The following AHNAK2 variants were observed in gnomAD, a reference collection of about 807,000 sequenced individuals.
The protein encoded by AHNAK2 is protein AHNAK2.
Under a neutral mutation model 30.7 loss-of-function variants are expected in AHNAK2, and 18 were observed. The ratio of observed to expected loss-of-function variants is 0.59; its 90% CI spans 0.41 to 0.87. AHNAK2 has a LOEUF of 0.87. Ranked by LOEUF, AHNAK2 falls within the 40% of genes least tolerant of loss-of-function variation. The pLI, the probability that AHNAK2 is intolerant of heterozygous loss-of-function variation, is 0.00. For synonymous variants in AHNAK2, 3,590 were observed against 3,073.8 expected, an observed-to-expected ratio of 1.17 and a Z score of -5.56; for missense variants, 8,604 against 7,373.0, an observed-to-expected ratio of 1.17 and a Z score of -6.11.
At position 104,949,058 on chromosome 14, in the gene AHNAK2, A is replaced by C. The variant is rs540355637; in HGVS notation, c.6393T>G (p.Asp2131Glu). Residue 2131 changes from aspartate (D) to glutamate (E), a missense_variant, in exon 7 of 7, where the codon GAT becomes GAG. Physicochemically the swap from Asp to Glu is conservative, Grantham distance 45. Coordinates refer to ENST00000333244, the MANE Select transcript of AHNAK2 (RefSeq NM_138420.4). ...VDVQAPRAKLDSAHLQGDLTL... is the reference protein window; with the variant it reads ...VDVQAPRAKLESAHLQGDLTL... ...TCAGGTCCCCCTGCAGATGCGCACT[A>C]TCCAGCTTGGCTCTTGGGGCCTGGA... 2 of 1,068,126 alleles carry C rather than the reference A, an allele frequency of 1.9e-6. 1 individual carries two copies. Among genetic ancestry groups the C allele is most frequent in the Non-Finnish European group, 2.7e-6 (2 of 733,988 alleles). 66.2% of individuals were successfully genotyped at this position (1,068,126 alleles called of 1,614,324 possible).
At chr14:104,959,949 T>C (rs981683968) in intron 1 of AHNAK2, among the ~76,000 whole-genome samples, 4 of 152,176 alleles carry the variant, frequency 2.6e-5, no homozygotes, top group African/African-American at 4.8e-5. Flanking sequence ...AAAGGCAATA[T>C]AGTGGATATT....
rs533762807 is a variant in AHNAK2 at position 104,946,429 on chromosome 14, C to A, written c.9022G>T (p.Val3008Leu). 3 of 1,612,390 alleles carry A rather than the reference C, an allele frequency of 1.9e-6. No homozygotes were observed. In the African/African-American group the frequency reaches 4.0e-5, roughly 22 times the overall value. ...EVSVDVSAPK[V>L]EAEVSLPSMQ... is the part of the protein sequence containing the mutation. ...GAGGGGAGGCTCACTTCGGCCTCCA[C>A]CTTCGGCGCAGACACATCCACCGAG... The change falls in exon 7 of 7, where the codon GTG becomes TTG. Residue 3008 changes from valine to leucine, a missense_variant. Physicochemically the swap from Val to Leu is conservative, Grantham distance 32. Transcript: ENST00000333244.
In AHNAK2 at chr14:104,938,514, C is replaced by T. The variant is rs1897878939; in HGVS notation, c.16937G>A (p.Trp5646Ter). The change falls in exon 7 of 7, where the codon TGG becomes TAG. Residue 5646 changes from tryptophan to a stop codon, truncating the protein, a stop_gained. Transcript: ENST00000333244. LOFTEE classifies it low-confidence loss of function (END_TRUNC). Reference protein sequence around the residue: ...KPESKKSGLLWFWLPNIGFSS... With the variant: ...KPESKKSGLL ...AAACCCAATGTTTGGAAGCCAAAACCAGAGCAGACCAGATTTTTTACTTTC... is the reference window on the plus strand; with the variant it reads ...AAACCCAATGTTTGGAAGCCAAAACTAGAGCAGACCAGATTTTTTACTTTC... 2.5e-6 allele frequency: 4 copies of T among 1,613,548 alleles called. No individual in the cohort carries two copies. The highest frequency in any genetic ancestry group is 3.4e-6 in the Non-Finnish European group (4 of 1,179,758).
Position 104,949,635 on chromosome 14 carries a change from T to C in AHNAK2, c.5816A>G (p.Lys1939Arg), listed in dbSNP as rs376259620. 3.9e-5 allele frequency: 62 copies of C among 1,588,750 alleles called. 10 individuals carry two copies. In the African/African-American group the frequency reaches 4.2e-4, roughly 11 times the overall value. The change falls in exon 7 of 7, where the codon AAG becomes AGG. Residue 1939 changes from lysine to arginine, a missense_variant. By Grantham distance (26) the Lys-to-Arg change is conservative (BLOSUM62 2). Coordinates refer to ENST00000333244, the MANE Select transcript of AHNAK2 (RefSeq NM_138420.4). ...KGAKLDLKGP[K>R]AEVTAPDVEV... ...GACATCGGGGGCTGTCACTTCCGCCTTGGGGCCTTTCAGGTCCAGCTTGGC... is the reference window on the plus strand; with the variant it reads ...GACATCGGGGGCTGTCACTTCCGCCCTGGGGCCTTTCAGGTCCAGCTTGGC...
At chr14:104,957,777 C>T (rs1386426018) in intron 1 of AHNAK2, 105 bp from the exon 2 acceptor site, 9 of 1,186,246 alleles carry the variant, frequency 7.6e-6, no homozygotes, top group African/African-American at 1.5e-5. Context: ...GTGTCATAGT[C>T]CTTTCCTGGA....
chr14:104,946,954 C>G lies in AHNAK2; in HGVS notation c.8497G>C (p.Glu2833Gln), dbSNP rs752884471. The change falls in exon 7 of 7, where the codon GAG becomes CAG. Residue 2833 changes from glutamate to glutamine, a missense_variant. By Grantham distance (29) the Glu-to-Gln change is conservative. Transcript: ENST00000333244. ...AGCTCAGACACATCCACCGAGGCCT[C>G]GATGGACTTGCCTGGGGCCGACACC... ...FGVSAPGKSIEASVDVSELKV... is the reference protein window; with the variant it reads ...FGVSAPGKSIQASVDVSELKV... The G allele has an allele frequency of 8.1e-6, 13 of 1,612,560 alleles. No individual in the cohort carries two copies. Among genetic ancestry groups the G allele is most frequent in the Admixed American group, 6.7e-5 (4 of 59,890 alleles).
rs11852055 is a variant in AHNAK2, at chr14:104,950,420, G to A, written c.5031C>T (p.Ile1677=). ...SFGVSAPGKS[I]EASVDVSEPK... ...GCTCAGACACATCCACCGAGGCCTC[G>A]ATGGACTTGCCTGGGGCCGACACCC... Residue 1677 remains isoleucine (I), a synonymous_variant, in exon 7 of 7, where the codon ATC becomes ATT. Transcript: ENST00000333244. The A allele has an allele frequency of 5.1e-5, 81 of 1,585,472 alleles. 6 individuals are homozygous for A. Among genetic ancestry groups the A allele is most frequent in the African/African-American group, 3.1e-4 (22 of 71,758 alleles).
At chr14:104,956,870 C>T (rs945532771) in intron 3 of AHNAK2, among the ~76,000 whole-genome samples, 181 bp from the exon 4 acceptor site, 2 of 152,210 alleles carry the variant, frequency 1.3e-5, no homozygotes, top group South Asian at 2.1e-4. Context: ...AGGCAACTCT[C>T]GGCCTTCCTG....
At position 104,952,528 on chromosome 14, in the gene AHNAK2, G is replaced by T. The variant is rs1411962120; in HGVS notation, c.2923C>A (p.Leu975Met). The T allele has an allele frequency of 1.9e-6, 3 of 1,612,786 alleles. No homozygotes were observed. Among genetic ancestry groups the T allele is most frequent in the Middle Eastern group, 1.6e-4 (1 of 6,078 alleles). The change falls in exon 7 of 7, where the codon CTG becomes ATG. Residue 975 changes from leucine (L) to methionine (M), a missense_variant. Coordinates refer to ENST00000333244, the MANE Select transcript of AHNAK2 (RefSeq NM_138420.4). ...EVDVQAQKAKLDGAWLEGDLS... is the reference protein window; with the variant it reads ...EVDVQAQKAKMDGAWLEGDLS... The stretch of plus-strand genomic sequence containing the variant: ...TCCCCCTCCAGCCACGCACCATCCA[G>T]CTTGGCCTTCTGGGCCTGGACATCC...
In AHNAK2 at chr14:104,951,704, C is replaced by T. The variant is rs1205195763; in HGVS notation, c.3747G>A (p.Val1249=). ...TGGGCATCTTCAAACTAGGCATCTG[C>T]ACCTTGGGCAGGTGCCCTTTGAAGC... The part of the protein sequence containing the change: ...GAGFKGHLPK[V]QMPSLKMPKV... Residue 1249 remains valine (V), a synonymous_variant, in exon 7 of 7, where the codon GTG becomes GTA. Coordinates refer to ENST00000333244, the MANE Select transcript of AHNAK2 (RefSeq NM_138420.4). 1.6e-6 allele frequency: 2 copies of T among 1,246,630 alleles called. No individual in the cohort carries two copies. The highest frequency in any genetic ancestry group is 1.4e-5 in the African/African-American group (1 of 70,604). The allele number at this position is 1,246,630 out of a possible 1,614,324, so 77.2% of individuals were successfully genotyped here. A position where few individuals can be genotyped will look rare whatever the true frequency, so the allele number is the denominator to read the frequency against.
rs1394112729 is a variant in AHNAK2 at position 104,954,383 on chromosome 14, C to G, written c.1068G>C (p.Leu356=). 3.7e-6 allele frequency: 6 copies of G among 1,613,188 alleles called. No homozygotes were observed. The highest frequency in any genetic ancestry group is 5.1e-6 in the Non-Finnish European group (6 of 1,179,870). ...FQSGVGRAGV[L]EELGPWGDSL... ...TATCACCCCAGGGCCCCAACTCTTC[C>G]AGGACCCCAGCACGGCCCACCCCAC... The change falls in exon 7 of 7, where the codon CTG becomes CTC. Residue 356 remains leucine (L), a synonymous_variant. Transcript: ENST00000333244. This position sits in a 1 kb window ranked among gnomAD's most constrained non-coding sequence, Gnocchi z 4.3.
chr14:104,951,808 G>T lies in AHNAK2; in HGVS notation c.3643C>A (p.Pro1215Thr), dbSNP rs375277628. 5.9e-6 allele frequency: 8 copies of T among 1,350,360 alleles called. 1 individual carries two copies. Among genetic ancestry groups the T allele is most frequent in the African/African-American group, 4.2e-5 (3 of 71,870 alleles). 83.6% of individuals were successfully genotyped at this position (1,350,360 alleles called of 1,614,324 possible). A position where few individuals can be genotyped will look rare whatever the true frequency, so the allele number is the denominator to read the frequency against. The change falls in exon 7 of 7, where the codon CCC (proline) becomes ACC (threonine). Residue 1215 changes from proline (P) to threonine (T), a missense_variant. Transcript: ENST00000333244. Reference protein sequence around the residue: ...DLKTTDLSIQPPSADLEVHAG... With the variant: ...DLKTTDLSIQTPSADLEVHAG... ...TGGACCTCCAGGTCAGCGGAAGGGGGCTGAATGCTGAGGTCAGTGGTCTTG... is the reference window on the plus strand; with the variant it reads ...TGGACCTCCAGGTCAGCGGAAGGGGTCTGAATGCTGAGGTCAGTGGTCTTG...
intron 1 of AHNAK2, among the ~76,000 whole-genome samples, chr14:104,960,437 T>C (rs1421901827): frequency 6.6e-6 from 1 of 152,228 alleles, no homozygotes; most frequent in East Asian, 1.9e-4. Context: ...AGAGATGATT[T>C]AAAGTATAGG....
chr14:104,949,731 G>C lies in AHNAK2; in HGVS notation c.5720C>G (p.Pro1907Arg). 6.3e-7 allele frequency: 1 copy of C among 1,587,246 alleles called. No homozygotes were observed. The highest frequency in any genetic ancestry group is 2.2e-5 in the East Asian group (1 of 44,678). ...PEGAGLKGHLPKVDMPSFKMP... is the reference protein window; with the variant it reads ...PEGAGLKGHLRKVDMPSFKMP... ...CTTGAAACTGGGCATATCCACCTTG[G>C]GCAAGTGCCCTTTGAGGCCGGCTCC... Residue 1907 changes from proline to arginine, a missense_variant, in exon 7 of 7, where the codon CCC (proline) becomes CGC (arginine). Coordinates refer to ENST00000333244, the MANE Select transcript of AHNAK2 (RefSeq NM_138420.4).
rs766573908 is a variant in AHNAK2 at position 104,945,226 on chromosome 14, G to A, written c.10225C>T (p.Pro3409Ser). ...TTGGGGCCCTTGATGTCCACCTGGG[G>A]GCTCTTGAGGTCCACTTTGGGCATC... The part of the protein sequence containing the change: ...FKMPKVDLKS[P>S]QVDIKGPKLD... Residue 3409 changes from proline to serine, a missense_variant, in exon 7 of 7, where the codon CCC becomes TCC. By Grantham distance (74) the Pro-to-Ser change is moderately conservative. Coordinates refer to ENST00000333244, the MANE Select transcript of AHNAK2 (RefSeq NM_138420.4). 2 of 1,612,824 alleles carry A rather than the reference G, an allele frequency of 1.2e-6. No homozygotes were observed. Among genetic ancestry groups the A allele is most frequent in the Admixed American group, 1.7e-5 (1 of 59,932 alleles).
chr14:104,977,817 TC>T (rs1426593823), intron 1 of AHNAK2, among the ~76,000 whole-genome samples: 1 of 151,916 alleles, frequency 6.6e-6, no homozygotes, highest in East Asian at 1.9e-4. Context: ...AGGCCGCCTC[TC>T]GACCAGACAG....
rs115533222 is a variant in AHNAK2, at chr14:104,962,781, G to A, written c.56-5109C>T. On this transcript the variant is annotated intron_variant, in intron 1 of 6. Transcript: ENST00000333244. ...CAACAGAAAGCAAAGTCTTTTCACC[G>A]AATGGTCCTGGAACAGCTGGGTATT... Among the ~76,000 whole-genome samples, 107 of 152,172 alleles carry A rather than the reference G, an allele frequency of 7.0e-4. 1 individual carries two copies. The highest frequency in any genetic ancestry group is 2.1e-3 in the South Asian group (10 of 4,822).
At chr14:104,961,328 C>T (rs1188876704) in intron 1 of AHNAK2, among the ~76,000 whole-genome samples, 2 of 151,552 alleles carry the variant, frequency 1.3e-5, no homozygotes, top group East Asian at 3.9e-4. Flanking sequence ...TCCTGGCTAA[C>T]ACAGTGAAAC....
Position 104,957,483 on chromosome 14 carries a change from C to A in AHNAK2, c.140G>T (p.Gly47Val), listed in dbSNP as rs1192976473. The change falls in exon 3 of 7, where the codon GGC (glycine) becomes GTC (valine). Residue 47 changes from glycine (G) to valine (V), a missense_variant. Gly to Val is a moderately radical substitution (Grantham distance 109). Transcript: ENST00000333244. Reference protein sequence around the residue: ...HSVTEGPADEGIRPRPQGSSP... With the variant: ...HSVTEGPADEVIRPRPQGSSP... ...AGACCCCTGCGGCCGTGGTCGAATG[C>A]CCTCATCCGCAGGCCCTTCAGTCAC... 1 of 1,600,040 alleles carries A rather than the reference C, an allele frequency of 6.2e-7. No individual in the cohort carries two copies. The highest frequency in any genetic ancestry group is 8.5e-7 in the Non-Finnish European group (1 of 1,171,454).
Sources: allele counts gnomAD v4.1 joint callset (sites outside exome capture counted in the v4.1 genomes callset), GRCh38; gene constraint gnomAD v4.1.1; non-coding constraint Gnocchi (gnomAD v3.1); transcripts MANE v1.5; gene names NCBI Gene and HGNC (gene_info 2026-07-23, HGNC 2026-07-21).